The following COL28A1 variants were observed in gnomAD, a reference collection of about 807,000 sequenced individuals.
COL28A1 encodes collagen alpha-1(XXVIII) chain.
Under a neutral mutation model 150.2 loss-of-function variants are expected in COL28A1, and 161 were observed. The observed-to-expected ratio is 1.07, with a 90% confidence interval of 0.94 to 1.22. The LOEUF is 1.22. COL28A1 is among the 50% of genes most tolerant of loss of function. The pLI is 0.00. For missense variants in COL28A1, 1,617 were observed against 1,388.3 expected, an observed-to-expected ratio of 1.16 and a Z score of -2.62; for synonymous variants, 552 against 469.7, an observed-to-expected ratio of 1.18 and a Z score of -2.26.
intron 27 of COL28A1, among the ~76,000 whole-genome samples, chr7:7,398,542 A>C (rs1782977492): frequency 6.6e-6 from 1 of 152,330 alleles, no homozygotes; most frequent in South Asian, 2.1e-4. Context: ...AATTGTTCTT[A>C]GTTTAAGTCC....
intron 7 of COL28A1, 108 bp downstream of exon 7, chr7:7,517,688 T>A: frequency 6.7e-7 from 1 of 1,499,316 alleles, no homozygotes; most frequent in South Asian, 1.2e-5. Flanking sequence ...GAGCACAAGG[T>A]AGATAGAAAT....
chr7:7,513,376 C>G (rs941976083), intron 8 of COL28A1, among the ~76,000 whole-genome samples: 1 of 152,204 alleles, frequency 6.6e-6, no homozygotes, highest in Admixed American at 6.5e-5. Flanking sequence ...CTATCATAGG[C>G]TGCAAGTCAC....
intron 30 of COL28A1, 90 bp downstream of exon 30, chr7:7,380,570 C>A: frequency 8.7e-7 from 1 of 1,151,660 alleles, no homozygotes; most frequent in East Asian, 2.4e-5. Context: ...GATTCTGCAT[C>A]CAAAAAATTC....
chr7:7,473,285 A>C (rs187783417), intron 15 of COL28A1, among the ~76,000 whole-genome samples: 1 of 152,228 alleles, frequency 6.6e-6, no homozygotes, highest in African/African-American at 2.4e-5. Flanking sequence ...TTCACAATCT[A>C]TACACCTGAC....
chr7:7,417,522 G>C (rs1470101833), intron 27 of COL28A1: 1 of 160,692 alleles, frequency 6.2e-6, no homozygotes, highest in Admixed American at 1.5e-4. Context: ...AAGGAGGGAG[G>C]GGGGAGGGAG....
chr7:7,364,492 T>C (rs73038788), intron 33 of COL28A1, among the ~76,000 whole-genome samples: 2,019 of 152,338 alleles, frequency 0.013, 24 homozygotes, highest in Non-Finnish European at 0.021. Context: ...TCTGCTGCTG[T>C]AGAAAGTCCT....
the COL28A1 span, among the ~76,000 whole-genome samples, chr7:7,343,652 T>C: frequency 1.1e-4 from 16 of 152,248 alleles, no homozygotes; most frequent in East Asian, 2.7e-3. Flanking sequence ...TTATGCTTAT[T>C]CTTTGCCTTG....
At chr7:7,517,223 G>T (rs1781464252) in intron 7 of COL28A1, among the ~76,000 whole-genome samples, 1 of 152,042 alleles carries the variant, frequency 6.6e-6, no homozygotes, top group Non-Finnish European at 1.5e-5. Flanking sequence ...AGGGGGACAA[G>T]CAGAGAGGGG....
chr7:7,519,475 A>G (rs1414262608), intron 6 of COL28A1, among the ~76,000 whole-genome samples: 2 of 152,096 alleles, frequency 1.3e-5, no homozygotes, highest in Non-Finnish European at 2.9e-5. Flanking sequence ...ATTTTCACAT[A>G]GTTATATCTA....
intron 3 of COL28A1, among the ~76,000 whole-genome samples, chr7:7,526,190 A>G (rs1326603736): frequency 1.3e-5 from 2 of 152,248 alleles, no homozygotes; most frequent in African/African-American, 4.8e-5. Flanking sequence ...TGTTATCCTG[A>G]CATCCTTTCT....
At chr7:7,431,386 GGAA>G in intron 25 of COL28A1, 1 of 364,044 alleles carries the variant, frequency 2.7e-6, no homozygotes. Context: ...AAATAAATGA[GGAA>G]GATGATCTCA....
intron 25 of COL28A1, chr7:7,431,779 T>A (rs528122250): frequency 3.2e-6 from 1 of 308,968 alleles, no homozygotes; most frequent in Admixed American, 4.0e-5. Context: ...ATGAAGAGGC[T>A]ATTTTTACAG....
intron 27 of COL28A1, among the ~76,000 whole-genome samples, chr7:7,393,314 C>T (rs1277728149): frequency 3.9e-5 from 6 of 152,242 alleles, no homozygotes; most frequent in African/African-American, 1.2e-4. Flanking sequence ...AAGACTGCCA[C>T]CTGTTCAATC....
rs188427571 is a variant in COL28A1, at chr7:7,520,447, T to C, written c.760-332A>G. On this transcript the variant is annotated intron_variant, in intron 5 of 34. Transcript: ENST00000399429. Reference sequence around the variant, plus strand: ...AGAGTAGCTGCAACAGGCAGAAGGATAGGAGTTGTTCCCAATCTCTCTTCA... The same window carrying C: ...AGAGTAGCTGCAACAGGCAGAAGGACAGGAGTTGTTCCCAATCTCTCTTCA... Among the ~76,000 whole-genome samples the C allele has an allele frequency of 2.8e-4, 43 of 152,360 alleles. 1 individual carries two copies. Among genetic ancestry groups the C allele is most frequent in the Non-Finnish European group, 5.1e-4 (35 of 68,030 alleles).
intron 25 of COL28A1, among the ~76,000 whole-genome samples, chr7:7,420,878 G>A (rs1387394914): frequency 1.3e-5 from 2 of 152,194 alleles, no homozygotes; most frequent in African/African-American, 4.8e-5. Context: ...CTAGAAGGAT[G>A]TAGAAAAACA....
At chr7:7,372,439 AAAT>A (rs1286313683) in intron 32 of COL28A1, among the ~76,000 whole-genome samples, 2,685 of 147,064 alleles carry the variant, frequency 0.018, 94 homozygotes, top group African/African-American at 0.069. Flanking sequence ...ATAAATAAAT[AAAT>A]GGTTGTTCTT....
intron 11 of COL28A1, among the ~76,000 whole-genome samples, chr7:7,498,272 G>T: frequency 6.6e-6 from 1 of 152,126 alleles, no homozygotes; most frequent in South Asian, 2.1e-4. Flanking sequence ...AGCCCATTAG[G>T]AGAGCTTTTG....
rs538370007 is a variant in COL28A1 at position 7,368,165 on chromosome 7, G to C, written c.3066+2560C>G. On this transcript the variant is annotated intron_variant, in intron 33 of 34. Coordinates refer to ENST00000399429, the MANE Select transcript of COL28A1 (RefSeq NM_001037763.3). ...TTCTGTGAACCAAATATGACTATAT[G>C]ATTCTTGCTTTTAAAACTCCTCTGC... Among the ~76,000 whole-genome samples the C allele has an allele frequency of 1.7e-4, 26 of 152,138 alleles. No homozygotes were observed. In the South Asian group the frequency reaches 4.4e-3, roughly 26 times the overall value.
At chr7:7,426,057 T>C (rs1784629674) in intron 25 of COL28A1, among the ~76,000 whole-genome samples, 2 of 152,318 alleles carry the variant, frequency 1.3e-5, no homozygotes, top group African/African-American at 4.8e-5. Flanking sequence ...AAGCAAGATA[T>C]ACTTGTTCCA....
Sources: allele counts gnomAD v4.1 joint callset (sites outside exome capture counted in the v4.1 genomes callset), GRCh38; gene constraint gnomAD v4.1.1; transcripts MANE v1.5; gene names NCBI Gene and HGNC (gene_info 2026-07-23, HGNC 2026-07-21).